The following OCRL variants were observed in gnomAD, a reference collection of about 807,000 sequenced individuals.
The protein encoded by OCRL is OCRL inositol polyphosphate-5-phosphatase.
Under a neutral mutation model 78.9 loss-of-function variants are expected in OCRL, and 8 were observed. The observed-to-expected ratio is 0.10, with a 90% CI of 0.06 to 0.18. The LOEUF is 0.18. Ranked by LOEUF, OCRL falls within the 10% of genes least tolerant of loss-of-function variation. OCRL has a pLI of 1.00. For synonymous variants in OCRL, 240 were observed against 235.4 expected (o/e 1.02, Z -0.18); for missense variants, 454 against 696.7 (o/e 0.65, Z 3.92).
intron 4 of OCRL, among the ~76,000 whole-genome samples, chrX:129,554,172 A>C (rs1167662325): frequency 9.1e-6 from 1 of 109,866 alleles, no homozygotes; most frequent in Non-Finnish European, 1.9e-5. Context: ...AAACAGTTAC[A>C]ATGGGGATAA....
Position 129,540,664 on chromosome X carries a change from G to GT in OCRL, c.40-79dup, listed in dbSNP as rs1457804845. The GT allele has an allele frequency of 2.2e-5, 19 of 847,096 alleles. No individual in the cohort carries two copies. In the African/African-American group the frequency reaches 3.4e-4, roughly 15 times the overall value. The allele number at this position is 847,096 out of a possible 1,213,427, so 69.8% of individuals were successfully genotyped here. A position where few individuals can be genotyped will look rare whatever the true frequency, so the allele number is the denominator to read the frequency against. On this transcript the variant is annotated intron_variant, in intron 1 of 23. Coordinates refer to ENST00000371113, the MANE Select transcript of OCRL (RefSeq NM_000276.4). ...GGGGGAGGGCGGCGGTGGGGGGGGG[G>GT]TGGAAGACCCCCTTCGCCCCGCAGT...
chrX:129,577,505 A>G (rs1936383692), intron 18 of OCRL, among the ~76,000 whole-genome samples: 1 of 111,837 alleles, frequency 8.9e-6, no homozygotes, highest in Non-Finnish European at 1.9e-5. Context: ...AGGTGAGGTG[A>G]CAGCATACGT....
rs1457724369 is a variant in OCRL at position 129,573,994 on chromosome X, CAT to C, written c.1603-1143_1603-1142del. On this transcript the variant is annotated intron_variant, in intron 15 of 23. Transcript: ENST00000371113. ...CTATTGTAAGTAGTGCTGCAGTAAA[CAT>C]ATGTGTGCATGTGTCTTTATAGTAG... Among the ~76,000 whole-genome samples, 4 of 112,326 alleles carry C rather than the reference CAT, an allele frequency of 3.6e-5. No individual in the cohort carries two copies. In the East Asian group the frequency reaches 1.1e-3, roughly 31 times the overall value.
chrX:129,546,537 A>G (rs1935880858), intron 3 of OCRL, among the ~76,000 whole-genome samples: 1 of 112,237 alleles, frequency 8.9e-6, no homozygotes, highest in Non-Finnish European at 1.9e-5. Context: ...AATAGTGTCC[A>G]TATTTGTATG....
At chrX:129,572,028 A>G (rs1936309025) in intron 15 of OCRL, among the ~76,000 whole-genome samples, 1 of 112,097 alleles carries the variant, frequency 8.9e-6, no homozygotes, top group Non-Finnish European at 1.9e-5. Flanking sequence ...GCAGGGGGCT[A>G]TTGAGTACTT....
chrX:129,553,912 G>A (rs1936001225), intron 4 of OCRL, among the ~76,000 whole-genome samples: 1 of 110,848 alleles, frequency 9.0e-6, no homozygotes, highest in Non-Finnish European at 1.9e-5. Flanking sequence ...GGTTGTGGGT[G>A]TGCATATTTA....
intron 10 of OCRL, 28 bp downstream of exon 10, chrX:129,561,321 G>A (rs373164459): frequency 1.6e-4 from 153 of 936,500 alleles, no homozygotes; most frequent in Non-Finnish European, 2.2e-4. Context: ...ATCTTTTTAA[G>A]TGTATGACTA....
At position 129,588,926 on chromosome X, in the gene OCRL, C is replaced by A. The variant is rs747535429; in HGVS notation, c.2382C>A (p.Phe794Leu). The A allele has an allele frequency of 8.3e-7, 1 of 1,211,440 alleles. No homozygotes were observed. The highest frequency in any genetic ancestry group is 1.7e-5 in the African/African-American group (1 of 57,826). Reference protein sequence around the residue: ...NHSVAEALLIFLEALPEPVIC... With the variant: ...NHSVAEALLILLEALPEPVIC... ...CTGTGGCTGAAGCACTGCTCATTTT[C>A]TTGGAAGCCCTGCCAGAGCCAGTCA... Residue 794 changes from phenylalanine to leucine, a missense_variant, in exon 22 of 24, where the codon TTC (phenylalanine) becomes TTA (leucine). Coordinates refer to ENST00000371113, the MANE Select transcript of OCRL (RefSeq NM_000276.4).
At chrX:129,566,501 A>T (rs1215184176) in intron 13 of OCRL, among the ~76,000 whole-genome samples, 2 of 112,827 alleles carry the variant, frequency 1.8e-5, no homozygotes, top group Non-Finnish European at 3.7e-5. Flanking sequence ...TTGAAGCAGT[A>T]AATTTGCCTC....
chrX:129,581,725 CTGTGTGTG>C (rs35415909), intron 18 of OCRL, among the ~76,000 whole-genome samples: 6 of 92,288 alleles, frequency 6.5e-5, no homozygotes, highest in South Asian at 5.4e-4. Context: ...ATACACACAC[CTGTGTGTG>C]TGTGTGTGTG....
chrX:129,588,260 A>G lies in OCRL; in HGVS notation c.2338A>G (p.Ile780Val). 1 of 1,189,529 alleles carries G rather than the reference A, an allele frequency of 8.4e-7. No individual in the cohort carries two copies. The highest frequency in any genetic ancestry group is 1.1e-6 in the Non-Finnish European group (1 of 875,206). The change falls in exon 21 of 24, where the codon ATC becomes GTC. Residue 780 changes from isoleucine to valine, a missense_variant. By Grantham distance (29) the Ile-to-Val change is conservative. This residue lies in a region of OCRL where 277 missense variants were observed against 517.1 expected (regional missense o/e 0.54). Transcript: ENST00000371113. ...DCLDTSIPETIPGSNHSVAEA... is the reference protein window; with the variant it reads ...DCLDTSIPETVPGSNHSVAEA... ...TCTGGATACCAGCATTCCTGAGACA[A>G]TCCGTATCCTTTGCGACCAAAGCTT...
chrX:129,540,512 C>T (rs1370328622), intron 1 of OCRL, 34 bp downstream of exon 1: 3 of 1,078,314 alleles, frequency 2.8e-6, no homozygotes, highest in South Asian at 4.0e-5. Flanking sequence ...GGGGAGGCCG[C>T]GCAGGGCCGG....
intron 4 of OCRL, among the ~76,000 whole-genome samples, chrX:129,553,519 C>T (rs1032410531): frequency 2.7e-5 from 3 of 111,468 alleles, no homozygotes; most frequent in African/African-American, 6.5e-5. Context: ...AAAGGGAAAG[C>T]GTTAAGGATA....
chrX:129,585,053 G>T (rs1936491510), intron 19 of OCRL, among the ~76,000 whole-genome samples: 1 of 112,401 alleles, frequency 8.9e-6, no homozygotes, highest in Non-Finnish European at 1.9e-5. Flanking sequence ...GTTACAGAGT[G>T]TGGGCTTATC....
At chrX:129,551,547 G>A (rs1443553431) in intron 4 of OCRL, among the ~76,000 whole-genome samples, 2 of 111,712 alleles carry the variant, frequency 1.8e-5, no homozygotes, top group East Asian at 5.6e-4. Context: ...CCATTCTCCT[G>A]TCTCAGCCTC....
At chrX:129,540,678 T>G in intron 1 of OCRL, 66 bp from the exon 2 acceptor site, 1 of 962,790 alleles carries the variant, frequency 1.0e-6, no homozygotes, top group Non-Finnish European at 1.5e-6. Context: ...AAGACCCCCT[T>G]CGCCCCGCAG....
intron 3 of OCRL, 82 bp downstream of exon 3, chrX:129,545,119 AT>A: frequency 1.8e-6 from 1 of 561,458 alleles, no homozygotes; most frequent in South Asian, 2.4e-5. Context: ...ACATATTTAA[AT>A]TTGTCAGTGC....
At chrX:129,580,999 G>A (rs1936431441) in intron 18 of OCRL, among the ~76,000 whole-genome samples, 2 of 111,490 alleles carry the variant, frequency 1.8e-5, no homozygotes, top group Admixed American at 1.9e-4. Context: ...CGAGTAACTG[G>A]GACTACAGGC....
intron 5 of OCRL, 120 bp downstream of exon 5, chrX:129,557,555 A>AT (rs924801577): frequency 7.1e-4 from 471 of 659,009 alleles, no homozygotes; most frequent in Non-Finnish European, 9.6e-4. Flanking sequence ...CTGATAGCTG[A>AT]TTTTTTTTTC....
Sources: allele counts gnomAD v4.1 joint callset (sites outside exome capture counted in the v4.1 genomes callset), GRCh38; gene constraint gnomAD v4.1.1; regional missense constraint gnomAD v4.1.1; transcripts MANE v1.5; gene names NCBI Gene and HGNC (gene_info 2026-07-23, HGNC 2026-07-21).